Variants in COL12A1 observed in about 807,000 individuals in gnomAD.
COL12A1 encodes collagen type XII alpha 1 chain.
In COL12A1, 114 loss-of-function variants were observed where a neutral mutation model predicts 349.7. The observed-to-expected ratio is 0.33, with a 90% CI of 0.28 to 0.38. The LOEUF (loss-of-function observed/expected upper bound fraction) is 0.38. COL12A1 is among the 10% of genes least tolerant of loss of function. COL12A1 has a pLI of 1.00. For missense variants in COL12A1, 3,284 were observed against 3,756.9 expected (o/e 0.87, Z 3.29); for synonymous variants, 1,369 against 1,329.0 (o/e 1.03, Z -0.66).
chr6:75,203,619 T>C (rs938794849), intron 1 of COL12A1, among the ~76,000 whole-genome samples: 1 of 152,246 alleles, frequency 6.6e-6, no homozygotes, highest in African/African-American at 2.4e-5. Context: ...GAGGAGAATA[T>C]GTTCTGTTCC....
chr6:75,111,343 T>C (rs912522279), intron 51 of COL12A1, among the ~76,000 whole-genome samples: 1 of 151,784 alleles, frequency 6.6e-6, no homozygotes, highest in African/African-American at 2.4e-5. Flanking sequence ...AACCCAAGAA[T>C]GCAAATGCCT....
At chr6:75,121,472 A>T (rs781469415) in intron 43 of COL12A1, 31 bp from the exon 44 acceptor site, 22 of 1,492,370 alleles carry the variant, frequency 1.5e-5, no homozygotes, top group East Asian at 9.3e-5. Flanking sequence ...GGAAGCCCCA[A>T]ATCTCATGAA....
At chr6:75,179,725 A>C (rs1227116158) in intron 11 of COL12A1, among the ~76,000 whole-genome samples, 3 of 152,210 alleles carry the variant, frequency 2.0e-5, no homozygotes, top group Admixed American at 6.5e-5. Flanking sequence ...TCCCAGTCAA[A>C]AGAGGAAAGA....
At chr6:75,164,981 G>T (rs893002536) in intron 14 of COL12A1, among the ~76,000 whole-genome samples, 1 of 151,992 alleles carries the variant, frequency 6.6e-6, no homozygotes, top group Non-Finnish European at 1.5e-5. Flanking sequence ...GTTAAGTCTT[G>T]GTTGTATGAT....
chr6:75,124,738 A>G (rs1334020646), intron 40 of COL12A1, among the ~76,000 whole-genome samples: 1 of 152,162 alleles, frequency 6.6e-6, no homozygotes, highest in Non-Finnish European at 1.5e-5. Context: ...CACACTAATC[A>G]TGATTCAATA....
chr6:75,133,742 A>G, intron 33 of COL12A1, 116 bp downstream of exon 33: 1 of 1,188,632 alleles, frequency 8.4e-7, no homozygotes, highest in Middle Eastern at 2.6e-4. Context: ...GTCTTATTAA[A>G]TGAATATGAA....
chr6:75,184,682 GA>G (rs1167194357), intron 8 of COL12A1, among the ~76,000 whole-genome samples: 8 of 152,066 alleles, frequency 5.3e-5, no homozygotes, highest in Non-Finnish European at 1.2e-4. Context: ...TTCAGGGTAA[GA>G]AAAAAAGTTC....
intron 54 of COL12A1, 89 bp from the exon 55 acceptor site, chr6:75,103,899 T>C: frequency 1.1e-6 from 1 of 922,728 alleles, no homozygotes; most frequent in Non-Finnish European, 1.7e-6. Flanking sequence ...AAGTGCAATT[T>C]CCAGACAATT....
Position 75,202,739 on chromosome 6 carries a change from C to G in COL12A1, c.54G>C (p.Leu18=), listed in dbSNP as rs1250734435. The stretch of plus-strand genomic sequence containing the variant: ...TTTTACCTTCTGCCTCAATGGAAGA[C>G]AGGAGCAGGGCCGCGCCCAGGGCGG... ...ALAALGAALL[L]SSIEAEVDPP... is the part of the protein sequence containing the mutation. The change falls in exon 2 of 66, where the codon CTG becomes CTC. Residue 18 remains leucine, a synonymous_variant. Coordinates refer to ENST00000322507, the MANE Select transcript of COL12A1 (RefSeq NM_004370.6). The G allele has an allele frequency of 1.9e-6, 3 of 1,551,886 alleles. No homozygotes were observed. The highest frequency in any genetic ancestry group is 8.7e-7 in the Non-Finnish European group (1 of 1,147,032).
rs191667556 is a variant in COL12A1 at position 75,137,702 on chromosome 6, C to T, written c.5252-123G>A. On this transcript the variant is annotated intron_variant, in intron 30 of 65. Coordinates refer to ENST00000322507, the MANE Select transcript of COL12A1 (RefSeq NM_004370.6). ...CTGGGTTTATAATTAAATTCGTTCC[C>T]TTAATAAAAATGGTTATTGATTCTT... The T allele has an allele frequency of 1.9e-4, 200 of 1,077,962 alleles. 1 individual carries two copies. In the African/African-American group the frequency reaches 3.0e-3, roughly 16 times the overall value. The allele number at this position is 1,077,962 out of a possible 1,614,324, so 66.8% of individuals were successfully genotyped here.
At chr6:75,197,457 C>T (rs1057367677) in intron 2 of COL12A1, among the ~76,000 whole-genome samples, 1 of 151,922 alleles carries the variant, frequency 6.6e-6, no homozygotes, top group African/African-American at 2.4e-5. Context: ...GGATTACAGG[C>T]GTGCTCCACC....
chr6:75,198,390 C>T (rs1350654614), intron 2 of COL12A1, among the ~76,000 whole-genome samples: 1 of 150,940 alleles, frequency 6.6e-6, no homozygotes, highest in Non-Finnish European at 1.5e-5. Context: ...TAAATATAAG[C>T]AATATTTATA....
At chr6:75,121,179 A>T in intron 44 of COL12A1, 123 bp downstream of exon 44, 1 of 862,246 alleles carries the variant, frequency 1.2e-6, no homozygotes, top group East Asian at 3.0e-5. Context: ...TGAATAAAAG[A>T]AATAGCAAAT....
chr6:75,129,723 T>C (rs1388360595), intron 37 of COL12A1, among the ~76,000 whole-genome samples: 2 of 152,166 alleles, frequency 1.3e-5, no homozygotes, highest in Non-Finnish European at 2.9e-5. Context: ...AAGGGTAAGA[T>C]TTGGATAAAT....
rs141269212 is a variant in COL12A1, at chr6:75,137,959, G to A, written c.5251+361C>T. ...TCCACGTGAGAGAGTGAGAAAATGA[G>A]AGAGACCGAGAAAGGGGCTGGCTAG... On this transcript the variant is annotated intron_variant, in intron 30 of 65. Coordinates refer to ENST00000322507, the MANE Select transcript of COL12A1 (RefSeq NM_004370.6). Among the ~76,000 whole-genome samples the A allele has an allele frequency of 6.2e-3, 943 of 152,136 alleles. 11 individuals carry two copies. The South Asian group carries it at 0.068, about 11-fold the overall frequency.
intron 3 of COL12A1, among the ~76,000 whole-genome samples, chr6:75,194,466 C>T (rs1293212448): frequency 6.6e-6 from 1 of 152,182 alleles, no homozygotes; most frequent in South Asian, 2.1e-4. Context: ...TAACAACTTA[C>T]TTCATCAGCT....
chr6:75,117,610 T>C (rs535426414), intron 46 of COL12A1, 64 bp from the exon 47 acceptor site: 2 of 1,528,918 alleles, frequency 1.3e-6, no homozygotes, highest in South Asian at 1.2e-5. Flanking sequence ...GTTAGAACAA[T>C]GCAAAAAAAT....
intron 49 of COL12A1, 39 bp from the exon 50 acceptor site, chr6:75,113,783 GA>G (rs754170328): frequency 2.3e-5 from 32 of 1,373,792 alleles, no homozygotes; most frequent in South Asian, 3.1e-5. Flanking sequence ...GGAGAGGAAA[GA>G]AAAAAAGAAA....
intron 13 of COL12A1, among the ~76,000 whole-genome samples, chr6:75,168,201 A>G (rs187005384): frequency 4.7e-4 from 72 of 152,354 alleles, no homozygotes; most frequent in Admixed American, 1.4e-3. Flanking sequence ...ATTCCTAAAT[A>G]TTAAATCCAT....
Sources: allele counts gnomAD v4.1 joint callset (sites outside exome capture counted in the v4.1 genomes callset), GRCh38; gene constraint gnomAD v4.1.1; transcripts MANE v1.5; gene names NCBI Gene and HGNC (gene_info 2026-07-23, HGNC 2026-07-21).